Variants in MALRD1 observed in about 807,000 individuals in gnomAD.
MALRD1 encodes MAM and LDL-receptor class A domain-containing protein 1.
Under a neutral mutation model 242.1 loss-of-function variants are expected in MALRD1, and 247 were observed. That is an observed-to-expected ratio of 1.02 (90% CI 0.92 to 1.13). MALRD1 has a LOEUF of 1.13. Among genes scored for constraint, MALRD1 ranks in the 50% most tolerant of loss-of-function variants. The pLI is 0.00. For missense variants in MALRD1, 2,989 were observed against 2,533.1 expected (o/e 1.18, Z -3.86); for synonymous variants, 995 against 866.6 (o/e 1.15, Z -2.60).
rs183613624 is a variant in MALRD1 at position 19,449,170 on chromosome 10, G to T, written c.4846-1137G>T. Among the ~76,000 whole-genome samples, 74 of 152,194 alleles carry T rather than the reference G, an allele frequency of 4.9e-4. 1 individual carries two copies. Among genetic ancestry groups the T allele is most frequent in the Admixed American group, 3.1e-3 (48 of 15,278 alleles). ...GAGTAGGGCAATTTGTTTTATTTTA[G>T]TTTAGTTTATTTATTTATTTATTTT... On this transcript the variant is annotated intron_variant, in intron 28 of 39. Coordinates refer to ENST00000454679, the MANE Select transcript of MALRD1 (RefSeq NM_001142308.3).
chr10:19,441,053 G>A (rs914246861), intron 28 of MALRD1, among the ~76,000 whole-genome samples: 1 of 152,094 alleles, frequency 6.6e-6, no homozygotes, highest in African/African-American at 2.4e-5. Flanking sequence ...GTGTGAGATG[G>A]TATCCCATTG....
chr10:19,485,754 G>GAT (rs1837210641), intron 29 of MALRD1, among the ~76,000 whole-genome samples: 3 of 151,896 alleles, frequency 2.0e-5, no homozygotes, highest in Admixed American at 6.6e-5. Context: ...CAAATCCATC[G>GAT]ATACATTTTT....
intron 35 of MALRD1, among the ~76,000 whole-genome samples, chr10:19,613,042 A>G (rs190886258): frequency 6.7e-6 from 1 of 149,684 alleles, no homozygotes. Context: ...CTAGTTCTCT[A>G]TTTTCTCACT....
At chr10:19,442,491 C>A (rs1834723409) in intron 28 of MALRD1, among the ~76,000 whole-genome samples, 1 of 152,080 alleles carries the variant, frequency 6.6e-6, no homozygotes, top group African/African-American at 2.4e-5. Context: ...GAGATACATC[C>A]CATCAATACC....
At chr10:19,188,027 G>A (rs916762672) in intron 14 of MALRD1, among the ~76,000 whole-genome samples, 1 of 152,164 alleles carries the variant, frequency 6.6e-6, no homozygotes. Flanking sequence ...GTCATTCACA[G>A]TTTTTAAATT....
At chr10:19,536,528 T>C (rs1834682604) in intron 32 of MALRD1, among the ~76,000 whole-genome samples, 1 of 152,084 alleles carries the variant, frequency 6.6e-6, no homozygotes, top group Non-Finnish European at 1.5e-5. Context: ...ATTTCTCATC[T>C]CTTTCGTAGC....
intron 38 of MALRD1, among the ~76,000 whole-genome samples, chr10:19,716,267 T>C (rs1834380836): frequency 6.6e-6 from 1 of 152,198 alleles, no homozygotes; most frequent in South Asian, 2.1e-4. Flanking sequence ...ATCCCCATTG[T>C]TGGAGGTGGA....
chr10:19,380,219 C>A lies in MALRD1; in HGVS notation c.4442-7309C>A, dbSNP rs181414636. The stretch of plus-strand genomic sequence containing the variant: ...CGAACACCTGACCTCAGGTGATCCA[C>A]CTGCCTTGGCCTCCCAAAGTGCTAG... On this transcript the variant is annotated intron_variant, in intron 26 of 39. Transcript: ENST00000454679. Among the ~76,000 whole-genome samples the A allele has an allele frequency of 3.4e-3, 521 of 151,460 alleles. 4 individuals are homozygous for A. The highest frequency in any genetic ancestry group is 0.012 in the African/African-American group (503 of 41,378).
At chr10:19,117,254 A>G (rs182457253) in intron 5 of MALRD1, among the ~76,000 whole-genome samples, 11 of 152,308 alleles carry the variant, frequency 7.2e-5, no homozygotes, top group African/African-American at 2.6e-4. Flanking sequence ...TTGACAATTT[A>G]TGCATACCAG....
intron 29 of MALRD1, among the ~76,000 whole-genome samples, chr10:19,467,366 C>A (rs1836268380): frequency 1.2e-5 from 1 of 85,316 alleles, no homozygotes; most frequent in Non-Finnish European, 2.4e-5. Context: ...GCACTCCAGC[C>A]TGGGCAACAC....
intron 26 of MALRD1, among the ~76,000 whole-genome samples, chr10:19,368,891 TTGTGTG>T (rs71387066): frequency 1.8e-4 from 14 of 79,536 alleles, no homozygotes; most frequent in Non-Finnish European, 1.8e-4. Context: ...GTGTGTGTGT[TTGTGTG>T]TGTGTGTGTG....
chr10:19,594,488 A>G (rs1837975291), intron 33 of MALRD1, among the ~76,000 whole-genome samples: 1 of 152,208 alleles, frequency 6.6e-6, no homozygotes, highest in Admixed American at 6.5e-5. Context: ...ACTACTGGGT[A>G]TCTACCCCAC....
chr10:19,730,317 G>GTT (rs1364100435), intron 38 of MALRD1, among the ~76,000 whole-genome samples: 1 of 152,198 alleles, frequency 6.6e-6, no homozygotes, highest in Admixed American at 6.5e-5. Flanking sequence ...GCACTGTGCA[G>GTT]TGTAAAGGAC....
At chr10:19,703,644 C>A (rs1204820362) in intron 38 of MALRD1, among the ~76,000 whole-genome samples, 1 of 152,180 alleles carries the variant, frequency 6.6e-6, no homozygotes, top group Non-Finnish European at 1.5e-5. Flanking sequence ...TTGGTAATCC[C>A]AGCATTTTGG....
At chr10:19,260,125 C>G (rs1839682880) in intron 19 of MALRD1, among the ~76,000 whole-genome samples, 1 of 152,088 alleles carries the variant, frequency 6.6e-6, no homozygotes, top group African/African-American at 2.4e-5. Context: ...AGTATTATTG[C>G]TAAAATATTA....
intron 38 of MALRD1, among the ~76,000 whole-genome samples, chr10:19,700,471 C>G (rs1833574320): frequency 6.6e-6 from 1 of 152,080 alleles, no homozygotes; most frequent in Admixed American, 6.6e-5. Flanking sequence ...GATAGACGAA[C>G]TGGACCAGGA....
At chr10:19,649,481 G>A (rs1449620519) in intron 36 of MALRD1, among the ~76,000 whole-genome samples, 1 of 152,140 alleles carries the variant, frequency 6.6e-6, no homozygotes. Context: ...TTTCTCTAAT[G>A]ATCAGTGATA....
chr10:19,727,734 G>A (rs1016028203), intron 38 of MALRD1, among the ~76,000 whole-genome samples: 1 of 150,870 alleles, frequency 6.6e-6, no homozygotes, highest in Non-Finnish European at 1.5e-5. Context: ...AAGAGCTACC[G>A]GCATATTGAC....
intron 5 of MALRD1, 55 bp from the exon 6 acceptor site, chr10:19,123,436 TG>T (rs1291964958): frequency 2.0e-6 from 2 of 1,015,970 alleles, no homozygotes; most frequent in African/African-American, 3.3e-5. Flanking sequence ...GCAAAATACT[TG>T]AGTCTTTCCA....
Sources: allele counts gnomAD v4.1 joint callset (sites outside exome capture counted in the v4.1 genomes callset), GRCh38; gene constraint gnomAD v4.1.1; transcripts MANE v1.5; gene names NCBI Gene and HGNC (gene_info 2026-07-23, HGNC 2026-07-21).